Variants in CSMD1 observed in about 807,000 individuals in gnomAD.
CSMD1 encodes the protein CUB and sushi domain-containing protein 1.
A neutral mutation model predicts 417.5 loss-of-function variants in CSMD1; 213 were observed. The ratio of observed to expected loss-of-function variants is 0.51; its 90% CI spans 0.46 to 0.57. The LOEUF is 0.57. CSMD1 is among the 20% of genes least tolerant of loss of function. CSMD1 has a pLI of 0.00. For missense variants in CSMD1, 6,923 were observed against 4,529.7 expected, an observed-to-expected ratio of 1.53 and a Z score of -15.17; for synonymous variants, 2,862 against 1,736.8, an observed-to-expected ratio of 1.65 and a Z score of -16.11.
intron 30 of CSMD1, among the ~76,000 whole-genome samples, chr8:3,211,131 A>G (rs1797582462): frequency 6.6e-6 from 1 of 152,082 alleles, no homozygotes; most frequent in African/African-American, 2.4e-5. Flanking sequence ...TGCAGCCTCA[A>G]CCTTCAGAGC....
intron 1 of CSMD1, among the ~76,000 whole-genome samples, chr8:4,913,013 T>C (rs1258578674): frequency 2.0e-5 from 3 of 152,136 alleles, no homozygotes; most frequent in African/African-American, 7.2e-5. Context: ...AGTCTCGAAC[T>C]CCTGACCTCA....
At chr8:4,782,213 T>C (rs1231426994) in intron 1 of CSMD1, among the ~76,000 whole-genome samples, 1 of 152,182 alleles carries the variant, frequency 6.6e-6, no homozygotes, top group Non-Finnish European at 1.5e-5. Flanking sequence ...GTGACTCTGC[T>C]TAATAATGTA....
intron 5 of CSMD1, among the ~76,000 whole-genome samples, chr8:3,832,889 A>G (rs1802455937): frequency 6.6e-6 from 1 of 152,222 alleles, no homozygotes; most frequent in Admixed American, 6.5e-5. Flanking sequence ...AAGAAAACCC[A>G]TATTGCATAA....
chr8:4,774,222 C>A (rs974906802), intron 1 of CSMD1, among the ~76,000 whole-genome samples: 1 of 152,036 alleles, frequency 6.6e-6, no homozygotes, highest in South Asian at 2.1e-4. Context: ...AAATAATCAT[C>A]TTTTCTTTCC....
At chr8:4,221,918 G>A (rs924807097) in intron 3 of CSMD1, among the ~76,000 whole-genome samples, 1 of 152,110 alleles carries the variant, frequency 6.6e-6, no homozygotes, top group South Asian at 2.1e-4. Context: ...AATGCCTAGA[G>A]AAGCTAAGGC....
chr8:3,499,399 T>A (rs1441726517), intron 10 of CSMD1, among the ~76,000 whole-genome samples: 2 of 152,100 alleles, frequency 1.3e-5, no homozygotes, highest in Non-Finnish European at 2.9e-5. Context: ...CATCTCTGCT[T>A]CTCAGTGGAA....
At chr8:4,177,770 T>C (rs781400374) in intron 3 of CSMD1, among the ~76,000 whole-genome samples, 1 of 151,666 alleles carries the variant, frequency 6.6e-6, no homozygotes, top group South Asian at 2.1e-4. Flanking sequence ...CCCACTGAAA[T>C]ACAAACTGCC....
chr8:3,378,003 G>T (rs898147238), intron 18 of CSMD1, among the ~76,000 whole-genome samples: 1 of 152,204 alleles, frequency 6.6e-6, no homozygotes, highest in Non-Finnish European at 1.5e-5. Flanking sequence ...CCAGAGGAAT[G>T]CTCATCAAGG....
intron 5 of CSMD1, among the ~76,000 whole-genome samples, chr8:3,966,867 C>G (rs539053271): frequency 6.6e-6 from 1 of 152,182 alleles, no homozygotes; most frequent in Admixed American, 6.5e-5. Flanking sequence ...ATGCTGCATA[C>G]AACACACTGG....
intron 7 of CSMD1, among the ~76,000 whole-genome samples, chr8:3,621,336 A>T (rs1347379246): frequency 6.6e-6 from 1 of 152,152 alleles, no homozygotes; most frequent in East Asian, 1.9e-4. Flanking sequence ...TGCCCACAAG[A>T]GACTCACTTT....
intron 5 of CSMD1, among the ~76,000 whole-genome samples, chr8:3,852,713 C>G (rs543887168): frequency 6.6e-6 from 1 of 151,804 alleles, no homozygotes; most frequent in Non-Finnish European, 1.5e-5. Flanking sequence ...CTGTGAGGGA[C>G]GGGAGAGATG....
intron 36 of CSMD1, among the ~76,000 whole-genome samples, chr8:3,185,186 A>T (rs1334386204): frequency 6.6e-6 from 1 of 152,234 alleles, no homozygotes; most frequent in East Asian, 1.9e-4. Context: ...GTGGAGAAGC[A>T]TGAAGTGCAC....
intron 1 of CSMD1, among the ~76,000 whole-genome samples, chr8:4,657,443 G>A (rs999789711): frequency 6.6e-5 from 10 of 151,526 alleles, no homozygotes; most frequent in East Asian, 1.9e-4. Context: ...TCTCACTCAC[G>A]CACTCTTGGC....
chr8:4,970,438 T>C (rs1355450292), intron 1 of CSMD1, among the ~76,000 whole-genome samples: 1 of 152,162 alleles, frequency 6.6e-6, no homozygotes, highest in East Asian at 1.9e-4. Flanking sequence ...TCATGAAAGA[T>C]GTTTATGTGA....
chr8:4,973,837 C>A (rs1158711283), intron 1 of CSMD1, among the ~76,000 whole-genome samples: 1 of 152,032 alleles, frequency 6.6e-6, no homozygotes, highest in South Asian at 2.1e-4. Context: ...TATAGGAAAA[C>A]CCATTATTCC....
chr8:3,647,408 C>G (rs1425134346), intron 7 of CSMD1, among the ~76,000 whole-genome samples: 1 of 151,416 alleles, frequency 6.6e-6, no homozygotes, highest in African/African-American at 2.4e-5. Context: ...AAATAGAACA[C>G]AAAGAGAAAA....
intron 1 of CSMD1, among the ~76,000 whole-genome samples, chr8:4,947,892 C>T (rs923062175): frequency 2.0e-5 from 3 of 152,126 alleles, no homozygotes; most frequent in East Asian, 1.9e-4. Flanking sequence ...GCAAGGTGTG[C>T]GTCCATTCTC....
At chr8:3,264,535 C>T (rs938706209) in intron 26 of CSMD1, among the ~76,000 whole-genome samples, 5 of 152,160 alleles carry the variant, frequency 3.3e-5, no homozygotes, top group Non-Finnish European at 5.9e-5. Context: ...TCATTTACCA[C>T]GTAATGCTTC....
chr8:4,428,232 C>T (rs1797676372), intron 2 of CSMD1, among the ~76,000 whole-genome samples: 1 of 152,190 alleles, frequency 6.6e-6, no homozygotes. Context: ...ACATTCTAAA[C>T]ACAAGACAAC....
Sources: gnomAD v4.1 joint callset for allele counts (sites outside exome capture counted in the v4.1 genomes callset) on GRCh38, gnomAD v4.1.1 for gene constraint, MANE v1.5 for transcripts, NCBI Gene and HGNC (gene_info 2026-07-23, HGNC 2026-07-21) for gene names.